METRN: variants seen among roughly 807,000 people sequenced by gnomAD.
The protein encoded by METRN is meteorin, glial cell differentiation regulator.
A neutral mutation model predicts 17.4 loss-of-function variants in METRN; 17 were observed. The ratio of observed to expected loss-of-function variants is 0.98; its 90% CI spans 0.67 to 1.46. METRN has a LOEUF of 1.46. Ranked by LOEUF, METRN falls within the 40% of genes most tolerant of loss-of-function variation. METRN has a pLI of 0.00. For missense variants in METRN, 489 were observed against 456.2 expected, an observed-to-expected ratio of 1.07 and a Z score of -0.65; for synonymous variants, 230 against 210.8, an observed-to-expected ratio of 1.09 and a Z score of -0.79.
At chr16:716,374 T>A (rs2040162041) in intron 2 of METRN, 1 of 1,424,048 alleles carries the variant, frequency 7.0e-7, no homozygotes, top group Non-Finnish European at 9.1e-7. Flanking sequence ...AAGTCCAGTG[T>A]GCAGCCCGGT....
intron 2 of METRN, 193 bp from the exon 3 acceptor site, chr16:716,740 T>C (rs1215985794): frequency 6.5e-7 from 1 of 1,535,364 alleles, no homozygotes; most frequent in Non-Finnish European, 8.7e-7. Flanking sequence ...GTGTGTTTCC[T>C]GAGTACAGGT....
Position 715,190 on chromosome 16 carries a change from C to T in METRN, c.-100C>T. The T allele has an allele frequency of 1.3e-5, 5 of 379,040 alleles. No individual in the cohort carries two copies. Among genetic ancestry groups the T allele is most frequent in the Non-Finnish European group, 1.8e-5 (5 of 278,344 alleles). The allele number at this position is 379,040 out of a possible 1,614,324, so 23.5% of individuals were successfully genotyped here. A position where few individuals can be genotyped will look rare whatever the true frequency, so the allele number is the denominator to read the frequency against. ...GCTTGGGGGCTTCGCCGGGGCCGGG[C>T]GGCCGGCGCCCCCGGCTGCTCCCGC... is the stretch of plus-strand genomic sequence containing the variant. On this transcript the variant is annotated 5_prime_UTR_variant, in exon 1 of 4. Transcript: ENST00000568223.
Position 715,211 on chromosome 16 carries a change from C to CCCG in METRN, c.-70_-68dup. On this transcript the variant is annotated 5_prime_UTR_variant, in exon 1 of 4. Transcript: ENST00000568223. ...CGGGCGGCCGGCGCCCCCGGCTGCT[C>CCCG]CCGCCGCCGCCCGGACCCGCGCCCC... The CCCG allele has an allele frequency of 1.4e-6, 1 of 714,860 alleles. No homozygotes were observed. Among genetic ancestry groups the CCCG allele is most frequent in the Non-Finnish European group, 1.7e-6 (1 of 580,450 alleles). The allele number at this position is 714,860 out of a possible 1,614,324, so 44.3% of individuals were successfully genotyped here.
rs1383426003 is a variant in METRN at position 715,403 on chromosome 16, G to C, written c.104+10G>C. ...GCAGCTGGAGGGGCAGGTACGGTCC[G>C]GGGGGCTGTCCCCGCACTTAGGACG... On this transcript the variant is annotated intron_variant, in intron 1 of 3. Coordinates refer to ENST00000568223, the MANE Select transcript of METRN (RefSeq NM_024042.4). The C allele has an allele frequency of 8.5e-6, 11 of 1,296,122 alleles. No homozygotes were observed. The highest frequency in any genetic ancestry group is 3.2e-5 in the East Asian group (1 of 31,586). The allele number at this position is 1,296,122 out of a possible 1,614,324, so 80.3% of individuals were successfully genotyped here.
Position 715,947 on chromosome 16 carries a change from C to T in METRN, c.468C>T (p.Pro156=), listed in dbSNP as rs535868431. ...TTGAGCTGCGCGAGGACGGGCGCCC[C>T]GAGCTGCCCCCGCAGGCCCACGGTC... ...FRFELREDGR[P]ELPPQAHGLG... Residue 156 remains proline (P), a synonymous_variant, in exon 2 of 4, where the codon CCC becomes CCT. Coordinates refer to ENST00000568223, the MANE Select transcript of METRN (RefSeq NM_024042.4). The T allele has an allele frequency of 5.9e-5, 88 of 1,499,258 alleles. No homozygotes were observed. The highest frequency in any genetic ancestry group is 5.1e-4 in the Middle Eastern group (3 of 5,832). 92.9% of individuals were successfully genotyped at this position (1,499,258 alleles called of 1,614,324 possible). A position where few individuals can be genotyped will look rare whatever the true frequency, so the allele number is the denominator to read the frequency against.
chr16:717,497 TCTC>T lies in METRN; in HGVS notation c.*113_*115del. 1 of 1,086,098 alleles carries T rather than the reference TCTC, an allele frequency of 9.2e-7. No homozygotes were observed. The highest frequency in any genetic ancestry group is 1.2e-6 in the Non-Finnish European group (1 of 818,230). The allele number at this position is 1,086,098 out of a possible 1,614,324, so 67.3% of individuals were successfully genotyped here. ...TTCACGCAAGCTGCTGTGGACCTGGTCTCCTGTGTCCAGCCCAGCCTTGGGCCT... is the reference window on the plus strand; with the variant it reads ...TTCACGCAAGCTGCTGTGGACCTGGTCTGTGTCCAGCCCAGCCTTGGGCCT... On this transcript the variant is annotated 3_prime_UTR_variant, in exon 4 of 4. Coordinates refer to ENST00000568223, the MANE Select transcript of METRN (RefSeq NM_024042.4).
At position 715,413 on chromosome 16, in the gene METRN, C is replaced by T. The variant is rs2040151745; in HGVS notation, c.104+20C>T. On this transcript the variant is annotated intron_variant, in intron 1 of 3. Coordinates refer to ENST00000568223, the MANE Select transcript of METRN (RefSeq NM_024042.4). Reference sequence around the variant, plus strand: ...GGGCAGGTACGGTCCGGGGGGCTGTCCCCGCACTTAGGACGGGGTGCGCTG... The same window carrying T: ...GGGCAGGTACGGTCCGGGGGGCTGTTCCCGCACTTAGGACGGGGTGCGCTG... 2.3e-6 allele frequency: 3 copies of T among 1,284,052 alleles called. No individual in the cohort carries two copies. Among genetic ancestry groups the T allele is most frequent in the Admixed American group, 4.2e-5 (1 of 23,610 alleles). The allele number at this position is 1,284,052 out of a possible 1,614,324, so 79.5% of individuals were successfully genotyped here. A position where few individuals can be genotyped will look rare whatever the true frequency, so the allele number is the denominator to read the frequency against.
rs1344022454 is a variant in METRN, at chr16:715,970, G to A, written c.491G>A (p.Gly164Asp). 2 of 1,489,758 alleles carry A rather than the reference G, an allele frequency of 1.3e-6. No homozygotes were observed. The highest frequency in any genetic ancestry group is 2.9e-5 in the African/African-American group (2 of 68,932). 92.3% of individuals were successfully genotyped at this position (1,489,758 alleles called of 1,614,324 possible). A position where few individuals can be genotyped will look rare whatever the true frequency, so the allele number is the denominator to read the frequency against. Residue 164 changes from glycine (G) to aspartate (D), a missense_variant, in exon 2 of 4, where the codon GGT (glycine) becomes GAT (aspartate). Coordinates refer to ENST00000568223, the MANE Select transcript of METRN (RefSeq NM_024042.4). ...CCCGAGCTGCCCCCGCAGGCCCACG[G>A]TCTCGGCGTAGACGGTGAGTGGCGG... ...GRPELPPQAH[G>D]LGVDGACRPC...
rs538608030 is a variant in METRN at position 715,135 on chromosome 16, G to A, written c.-155G>A. On this transcript the variant is annotated 5_prime_UTR_variant, in exon 1 of 4. Transcript: ENST00000568223. ...CCCGCTCCAAGGCGGCCCCGGCGCT[G>A]GGGCTGCGCGGCAGGCGGAGCGGCC... 3.6e-4 allele frequency: 59 copies of A among 163,550 alleles called. 1 individual carries two copies. Among genetic ancestry groups the A allele is most frequent in the African/African-American group, 1.2e-3 (50 of 41,430 alleles). The allele number at this position is 163,550 out of a possible 1,614,324, so 10.1% of individuals were successfully genotyped here.
chr16:715,802 C>G lies in METRN; in HGVS notation c.323C>G (p.Ala108Gly). ...RAGGALELLL[A>G]EGPGPAGGRC... ...GGGGGCGCCCTGGAGCTGCTGCTGG[C>G]CGAGGGCCCGGGCCCGGCAGGGGGC... The change falls in exon 2 of 4, where the codon GCC becomes GGC. Residue 108 changes from alanine to glycine, a missense_variant. Ala to Gly is a moderately conservative substitution (Grantham distance 60, BLOSUM62 0). Transcript: ENST00000568223. The G allele has an allele frequency of 7.9e-7, 1 of 1,259,096 alleles. No individual in the cohort carries two copies. The highest frequency in any genetic ancestry group is 1.0e-6 in the Non-Finnish European group (1 of 1,004,868). 78.0% of individuals were successfully genotyped at this position (1,259,096 alleles called of 1,614,324 possible). A position where few individuals can be genotyped will look rare whatever the true frequency, so the allele number is the denominator to read the frequency against.
Position 717,196 on chromosome 16 carries a change from CA to C in METRN, c.692del (p.Gln231ArgfsTer3). 1 of 1,599,768 alleles carries C rather than the reference CA, an allele frequency of 6.3e-7. No individual in the cohort carries two copies. The highest frequency in any genetic ancestry group is 2.3e-5 in the East Asian group (1 of 44,180). On this transcript the variant is annotated frameshift_variant, in exon 4 of 4. Coordinates refer to ENST00000568223, the MANE Select transcript of METRN (RefSeq NM_024042.4). LOFTEE classifies it low-confidence loss of function (END_TRUNC). ...GTTCCAGGCGGGGCGATCCGGGGAC[CA>C]GGGGCTGACCTCCATTCGTACCCCA... The part of the protein sequence containing the change: ...PLFQAGRSGD[Q>X]GLTSIRTPLR...
intron 2 of METRN, chr16:716,280 C>T (rs2040161105): frequency 7.3e-7 from 1 of 1,375,776 alleles, no homozygotes; most frequent in East Asian, 2.8e-5. Context: ...ATGGTGGGGA[C>T]AGAATCGAAG....
At position 717,683 on chromosome 16, in the gene METRN, G is replaced by A. The variant is rs577082186; in HGVS notation, c.*296G>A. The A allele has an allele frequency of 6.9e-5, 24 of 349,084 alleles. No homozygotes were observed. The highest frequency in any genetic ancestry group is 7.1e-4 in the Middle Eastern group (1 of 1,402). 21.6% of individuals were successfully genotyped at this position (349,084 alleles called of 1,614,324 possible). The stretch of plus-strand genomic sequence containing the variant: ...TTCCGGGGAGGGGCCGCTGCTGGGT[G>A]GGGGGCACGTGGGGACCTGCACTCA... On this transcript the variant is annotated 3_prime_UTR_variant, in exon 4 of 4. Transcript: ENST00000568223.
rs2040184936 is a variant in METRN, at chr16:719,090, T to C, written c.*1703T>C. On this transcript the variant is annotated 3_prime_UTR_variant, in exon 4 of 4. Coordinates refer to ENST00000568223, the MANE Select transcript of METRN (RefSeq NM_024042.4). ...GGCCAGCTTCCTACAACCTCTCCTT[T>C]TCAGCCACACCCAAGTCCACCTGTT... 1 of 152,440 alleles carries C rather than the reference T, an allele frequency of 6.6e-6. No homozygotes were observed. The highest frequency in any genetic ancestry group is 1.5e-5 in the Non-Finnish European group (1 of 68,232). The allele number at this position is 152,440 out of a possible 1,614,324, so 9.4% of individuals were successfully genotyped here.
rs1484777179 is a variant in METRN, at chr16:718,278, G to A, written c.*891G>A. 1.3e-5 allele frequency: 2 copies of A among 152,302 alleles called. No homozygotes were observed. The highest frequency in any genetic ancestry group is 2.9e-5 in the Non-Finnish European group (2 of 68,076). 9.4% of individuals were successfully genotyped at this position (152,302 alleles called of 1,614,324 possible). On this transcript the variant is annotated 3_prime_UTR_variant, in exon 4 of 4. Coordinates refer to ENST00000568223, the MANE Select transcript of METRN (RefSeq NM_024042.4). The stretch of plus-strand genomic sequence containing the variant: ...TCCGAGGCTAAAAGCCCCTGGGTGG[G>A]GGTGTTCCAGGACACCTGGCCCTGT...
intron 2 of METRN, 127 bp downstream of exon 2, chr16:716,111 T>C (rs1252078978): frequency 3.0e-6 from 4 of 1,339,226 alleles, no homozygotes; most frequent in South Asian, 1.9e-5. Context: ...TGGATGGGCT[T>C]GTCAGGCCAC....
At chr16:716,400 G>A (rs1314828137) in intron 2 of METRN, 11 of 1,426,554 alleles carry the variant, frequency 7.7e-6, no homozygotes, top group Non-Finnish European at 9.1e-6. Context: ...TGGAGACGCC[G>A]CTCGCCTCCC....
Position 717,711 on chromosome 16 carries a change from C to G in METRN, c.*324C>G, listed in dbSNP as rs2040173454. On this transcript the variant is annotated 3_prime_UTR_variant, in exon 4 of 4. Coordinates refer to ENST00000568223, the MANE Select transcript of METRN (RefSeq NM_024042.4). ...GGGCACGTGGGGACCTGCACTCATG[C>G]AAGCTTCTGCTCTGCTGCACCCACC... The G allele has an allele frequency of 3.3e-6, 1 of 302,458 alleles. No homozygotes were observed. Among genetic ancestry groups the G allele is most frequent in the African/African-American group, 2.2e-5 (1 of 46,358 alleles). The allele number at this position is 302,458 out of a possible 1,614,324, so 18.7% of individuals were successfully genotyped here.
At position 716,953 on chromosome 16, in the gene METRN, G is replaced by T. The variant is rs752164556; in HGVS notation, c.526G>T (p.Asp176Tyr). ...GVDGACRPCSDAELLLAACTS... is the reference protein window; with the variant it reads ...GVDGACRPCSYAELLLAACTS... The stretch of plus-strand genomic sequence containing the variant: ...GCCAGGTGCCTGCAGGCCCTGCAGC[G>T]ACGCTGAGCTGCTCCTGGCCGCATG... Residue 176 changes from aspartate (D) to tyrosine (Y), a missense_variant, in exon 3 of 4, where the codon GAC becomes TAC. Coordinates refer to ENST00000568223, the MANE Select transcript of METRN (RefSeq NM_024042.4). The T allele has an allele frequency of 2.5e-6, 4 of 1,576,528 alleles. No homozygotes were observed. The highest frequency in any genetic ancestry group is 3.5e-6 in the Non-Finnish European group (4 of 1,159,070).
Sources: allele counts gnomAD v4.1 joint callset, GRCh38; gene constraint gnomAD v4.1.1; transcripts MANE v1.5; gene names NCBI Gene and HGNC (gene_info 2026-07-23, HGNC 2026-07-21).